The following TIAM1 variants were observed in gnomAD, a reference collection of about 807,000 sequenced individuals.
TIAM1 encodes TIAM Rac1 associated GEF 1, also known as rho guanine nucleotide exchange factor TIAM1.
In TIAM1, 65 loss-of-function variants were observed where a neutral mutation model predicts 163.5. That is an observed-to-expected ratio of 0.40 (90% confidence interval 0.33 to 0.49). The LOEUF is 0.49. TIAM1 is among the 20% of genes least tolerant of loss of function. The pLI, the probability that TIAM1 is intolerant of heterozygous loss-of-function variation, is 0.77. For missense variants in TIAM1, 1,789 were observed against 2,044.7 expected, an observed-to-expected ratio of 0.87 and a Z score of 2.41; for synonymous variants, 833 against 810.1, an observed-to-expected ratio of 1.03 and a Z score of -0.48.
chr21:31,484,174 C>G (rs1400570374), intron 1 of TIAM1, among the ~76,000 whole-genome samples: 1 of 152,152 alleles, frequency 6.6e-6, no homozygotes, highest in East Asian at 1.9e-4. Context: ...ACTTCCCAGC[C>G]ACCAGAACTG....
rs143553710 is a variant in TIAM1 at position 31,225,123 on chromosome 21, G to A, written c.1809+603C>T. On this transcript the variant is annotated intron_variant, in intron 7 of 27. Coordinates refer to ENST00000541036, the MANE Select transcript of TIAM1 (RefSeq NM_001353694.2). Reference sequence around the variant, plus strand: ...CACCCTCTGCCTCCCAGGCTCAGGCGATCCTCTCCTCTCGGCCTCCTGAGA... The same window carrying A: ...CACCCTCTGCCTCCCAGGCTCAGGCAATCCTCTCCTCTCGGCCTCCTGAGA... Among the ~76,000 whole-genome samples, 1,043 of 152,078 alleles carry A rather than the reference G, an allele frequency of 6.9e-3. 5 individuals carry two copies. Among genetic ancestry groups the A allele is most frequent in the African/African-American group, 0.024 (982 of 41,468 alleles).
At chr21:31,502,191 A>G (rs1171676012) in intron 1 of TIAM1, among the ~76,000 whole-genome samples, 1 of 152,258 alleles carries the variant, frequency 6.6e-6, no homozygotes, top group Admixed American at 6.5e-5. Flanking sequence ...TTAAAGAAAA[A>G]AAAAGGTAAA....
At chr21:31,147,047 C>T (rs2146297276) in intron 19 of TIAM1, 44 bp from the exon 20 acceptor site, 1 of 1,545,132 alleles carries the variant, frequency 6.5e-7, no homozygotes, top group South Asian at 1.1e-5. Flanking sequence ...TTCCTTCCTC[C>T]ACTGGAAATA....
chr21:31,545,430 G>C (rs542337991), intron 1 of TIAM1, among the ~76,000 whole-genome samples: 1 of 152,272 alleles, frequency 6.6e-6, no homozygotes, highest in African/African-American at 2.4e-5. Context: ...CCTTGTTACC[G>C]GGAGGAAACT....
At chr21:31,552,979 G>C (rs2048744404) in intron 1 of TIAM1, among the ~76,000 whole-genome samples, 1 of 152,150 alleles carries the variant, frequency 6.6e-6, no homozygotes, top group African/African-American at 2.4e-5. Flanking sequence ...CCACCAACAA[G>C]CACAGCCGAC....
intron 12 of TIAM1, among the ~76,000 whole-genome samples, chr21:31,197,037 G>GAGTACTC (rs1472300635): frequency 2.0e-5 from 3 of 152,120 alleles, no homozygotes; most frequent in African/African-American, 7.2e-5. Flanking sequence ...GCTAAACAAT[G>GAGTACTC]AGTACTCATG....
At chr21:31,288,020 C>A (rs934271214) in intron 2 of TIAM1, among the ~76,000 whole-genome samples, 1 of 151,970 alleles carries the variant, frequency 6.6e-6, no homozygotes, top group Non-Finnish European at 1.5e-5. Context: ...GGAGGAAGAA[C>A]AAGGAGGCAT....
At chr21:31,201,109 C>T (rs1243794884) in intron 12 of TIAM1, among the ~76,000 whole-genome samples, 1 of 152,122 alleles carries the variant, frequency 6.6e-6, no homozygotes, top group African/African-American at 2.4e-5. Flanking sequence ...GAACATGGAA[C>T]CTGGTTAGGC....
chr21:31,267,418 TTC>T (rs1185373664), intron 3 of TIAM1, among the ~76,000 whole-genome samples: 2 of 152,162 alleles, frequency 1.3e-5, no homozygotes, highest in African/African-American at 4.8e-5. Flanking sequence ...AGGGAGTAAT[TTC>T]TGTTTGAAAT....
chr21:31,370,698 C>A (rs933073181), intron 2 of TIAM1, among the ~76,000 whole-genome samples: 1 of 152,132 alleles, frequency 6.6e-6, no homozygotes, highest in Admixed American at 6.5e-5. Flanking sequence ...CCAGACTATA[C>A]CTCTGGGTGG....
rs1040372319 is a variant in TIAM1, at chr21:31,369,725, C to T, written c.-368-30303G>A. Reference sequence around the variant, plus strand: ...TCAACTAAAAATAAAAGGAAAAATACATTTAAAAGAAGAAGAAGGGTTAGG... The same window carrying T: ...TCAACTAAAAATAAAAGGAAAAATATATTTAAAAGAAGAAGAAGGGTTAGG... On this transcript the variant is annotated intron_variant, in intron 2 of 28. Coordinates refer to the TIAM1 transcript ENST00000286827. Among the ~76,000 whole-genome samples, 6 of 152,094 alleles carry T rather than the reference C, an allele frequency of 3.9e-5. No homozygotes were observed. In the South Asian group the frequency reaches 1.2e-3, roughly 32 times the overall value.
chr21:31,308,754 T>C (rs538037971), intron 2 of TIAM1, among the ~76,000 whole-genome samples: 1 of 152,312 alleles, frequency 6.6e-6, no homozygotes, highest in Non-Finnish European at 1.5e-5. Flanking sequence ...ATGAGCCAGC[T>C]GCCAGAGGCC....
chr21:31,266,726 C>G lies in TIAM1; in HGVS notation c.247G>C (p.Glu83Gln). The change falls in exon 4 of 28, where the codon GAA becomes CAA. Residue 83 changes from glutamate (E) to glutamine (Q), a missense_variant. Physicochemically the swap from Glu to Gln is conservative, Grantham distance 29. Coordinates refer to ENST00000541036, the MANE Select transcript of TIAM1 (RefSeq NM_001353694.2). ...ACCCAGATGGGGCTCCCGAAGTCTT[C>G]TAGGGTACCATCTTGGGAGAAGGGC... ...LEPFSQDGTLEDFGSPIWVDR... is the reference protein window; with the variant it reads ...LEPFSQDGTLQDFGSPIWVDR... 1 of 1,614,204 alleles carries G rather than the reference C, an allele frequency of 6.2e-7. No individual in the cohort carries two copies. The highest frequency in any genetic ancestry group is 8.5e-7 in the Non-Finnish European group (1 of 1,180,038).
intron 2 of TIAM1, among the ~76,000 whole-genome samples, chr21:31,418,192 A>C (rs573077543): frequency 2.6e-5 from 4 of 151,910 alleles, no homozygotes; most frequent in Non-Finnish European, 5.9e-5. Context: ...AAGTACAAAA[A>C]TTAGCAGGGC....
At chr21:31,343,203 T>A (rs2076070728) in intron 1 of TIAM1, among the ~76,000 whole-genome samples, 1 of 152,162 alleles carries the variant, frequency 6.6e-6, no homozygotes, top group Non-Finnish European at 1.5e-5. Flanking sequence ...ATGAAACAAG[T>A]GCAACAGGTA....
Position 31,118,682 on chromosome 21 carries a change from C to T in TIAM1, c.*1686G>A, listed in dbSNP as rs1277492299. 6 of 470,204 alleles carry T rather than the reference C, an allele frequency of 1.3e-5. No homozygotes were observed. The highest frequency in any genetic ancestry group is 2.6e-5 in the Non-Finnish European group (6 of 226,870). 29.1% of individuals were successfully genotyped at this position (470,204 alleles called of 1,614,324 possible). Reference sequence around the variant, plus strand: ...CTTCCGTTTTCCATCTGGACGCGATCGAACCGGAGATGATATGGAAAAATG... The same window carrying T: ...CTTCCGTTTTCCATCTGGACGCGATTGAACCGGAGATGATATGGAAAAATG... On this transcript the variant is annotated 3_prime_UTR_variant, in exon 28 of 28. Coordinates refer to ENST00000541036, the MANE Select transcript of TIAM1 (RefSeq NM_001353694.2).
At chr21:31,372,142 A>T (rs2076606887) in intron 2 of TIAM1, among the ~76,000 whole-genome samples, 1 of 152,224 alleles carries the variant, frequency 6.6e-6, no homozygotes, top group African/African-American at 2.4e-5. Flanking sequence ...GGGCTGGCAC[A>T]TCCCATCAGC....
intron 1 of TIAM1, among the ~76,000 whole-genome samples, chr21:31,539,308 C>T (rs2048243457): frequency 6.6e-6 from 1 of 150,608 alleles, no homozygotes. Context: ...CTCTGTGGCC[C>T]AGGCTGGAGT....
At chr21:31,540,521 T>C (rs1473328579) in intron 1 of TIAM1, among the ~76,000 whole-genome samples, 2 of 152,232 alleles carry the variant, frequency 1.3e-5, no homozygotes, top group Admixed American at 6.5e-5. Flanking sequence ...GGAGGATCGC[T>C]TAAGCCTGGG....
Sources: allele counts gnomAD v4.1 joint callset (sites outside exome capture counted in the v4.1 genomes callset), GRCh38; gene constraint gnomAD v4.1.1; transcripts MANE v1.5; gene names NCBI Gene and HGNC (gene_info 2026-07-23, HGNC 2026-07-21).